Variants in DNAL1 observed in about 807,000 individuals in gnomAD.
DNAL1 encodes dynein axonemal light chain 1.
Under a neutral mutation model 29.4 loss-of-function variants are expected in DNAL1, and 17 were observed. The ratio of observed to expected loss-of-function variants is 0.58; its 90% CI spans 0.40 to 0.87. DNAL1 has a LOEUF of 0.87. Ranked by LOEUF, DNAL1 falls within the 40% of genes least tolerant of loss-of-function variation. The probability of loss-of-function intolerance (pLI) is 0.00; values close to 1 mark genes in which losing one functional copy is unlikely to be tolerated. For synonymous variants in DNAL1, 78 were observed against 76.3 expected (o/e 1.02, Z -0.12); for missense variants, 188 against 214.1 (o/e 0.88, Z 0.76).
intron 2 of DNAL1, 118 bp downstream of exon 2, chr14:73,655,003 C>A: frequency 2.8e-6 from 3 of 1,054,434 alleles, no homozygotes; most frequent in Non-Finnish European, 4.1e-6. Context: ...ATTCAGCTAT[C>A]TTGTCTATGG....
intron 1 of DNAL1, among the ~76,000 whole-genome samples, chr14:73,652,615 C>T (rs993447302): frequency 1.3e-5 from 2 of 151,986 alleles, no homozygotes; most frequent in African/African-American, 4.8e-5. Context: ...CTTTTTTGCT[C>T]AATCAGGCTT....
At chr14:73,694,782 C>T (rs962092436) in intron 7 of DNAL1, among the ~76,000 whole-genome samples, 5 of 151,668 alleles carry the variant, frequency 3.3e-5, no homozygotes, top group African/African-American at 1.2e-4. Context: ...CTCCGCCTCC[C>T]GGGTTCAAGC....
chr14:73,667,376 G>C (rs1283890900), intron 4 of DNAL1, among the ~76,000 whole-genome samples: 1 of 151,938 alleles, frequency 6.6e-6, no homozygotes, highest in Non-Finnish European at 1.5e-5. Context: ...GAGGTGGGAG[G>C]ATCTCTTGAA....
chr14:73,664,749 T>C (rs1407303489), intron 4 of DNAL1, among the ~76,000 whole-genome samples: 6 of 152,028 alleles, frequency 3.9e-5, no homozygotes, highest in Non-Finnish European at 8.8e-5. Context: ...TGTTTGCCTG[T>C]AGTCCCAGCT....
rs1892315511 is a variant in DNAL1, at chr14:73,697,070, ATAGT to A, written c.*1132_*1135del. On this transcript the variant is annotated 3_prime_UTR_variant, in exon 8 of 8. Transcript: ENST00000553645. The stretch of plus-strand genomic sequence containing the variant: ...GATTTAACCTCAAAATTGCAAAGCA[ATAGT>A]TAGATGCAGAGGTTAGAATTTATCA... 2 of 152,212 alleles carry A rather than the reference ATAGT, an allele frequency of 1.3e-5. 1 individual carries two copies. The highest frequency in any genetic ancestry group is 1.3e-4 in the Admixed American group (2 of 15,286). The allele number at this position is 152,212 out of a possible 1,614,324, so 9.4% of individuals were successfully genotyped here.
intron 3 of DNAL1, among the ~76,000 whole-genome samples, chr14:73,660,596 T>TA (rs1326421236): frequency 6.6e-6 from 1 of 152,168 alleles, no homozygotes; most frequent in Non-Finnish European, 1.5e-5. Flanking sequence ...CTAGGACACA[T>TA]ATTTGTGAAC....
chr14:73,649,231 C>T (rs1891057010), intron 1 of DNAL1, among the ~76,000 whole-genome samples: 1 of 151,816 alleles, frequency 6.6e-6, no homozygotes, highest in African/African-American at 2.4e-5. Context: ...AGCTCAGCCT[C>T]CCAAAGTGCT....
At position 73,658,894 on chromosome 14, in the gene DNAL1, T is replaced by C; in HGVS notation, c.90T>C (p.Leu30=). 2 of 1,600,844 alleles carry C rather than the reference T, an allele frequency of 1.2e-6. No homozygotes were observed. Among genetic ancestry groups the C allele is most frequent in the Non-Finnish European group, 1.7e-6 (2 of 1,173,316 alleles). Residue 30 remains leucine, a synonymous_variant, in exon 3 of 8, where the codon CTT becomes CTC. Transcript: ENST00000553645. ...CATCTGAAGCCAAAGAGATAAAACT[T>C]TATGCCCAGATTCCCCCTATAGAGA... is the stretch of plus-strand genomic sequence containing the variant. ...QRPSEAKEIK[L]YAQIPPIEKM... is the part of the protein sequence containing the mutation.
chr14:73,657,955 G>C (rs1190103379), intron 2 of DNAL1, among the ~76,000 whole-genome samples: 1 of 152,182 alleles, frequency 6.6e-6, no homozygotes, highest in Non-Finnish European at 1.5e-5. Flanking sequence ...TGCTTTTGAG[G>C]TCTTAGCCGT....
chr14:73,695,017 T>C (rs1342472074), intron 7 of DNAL1, among the ~76,000 whole-genome samples: 1 of 149,418 alleles, frequency 6.7e-6, no homozygotes, highest in Non-Finnish European at 1.5e-5. Context: ...TGTACAGAAC[T>C]TACTTTATTT....
At chr14:73,690,932 C>T (rs1158007815) in intron 7 of DNAL1, among the ~76,000 whole-genome samples, 2 of 152,080 alleles carry the variant, frequency 1.3e-5, no homozygotes, top group African/African-American at 2.4e-5. Flanking sequence ...GTGGTATTCT[C>T]TCTGTTTCTC....
intron 5 of DNAL1, among the ~76,000 whole-genome samples, chr14:73,680,326 G>A (rs921467533): frequency 1.3e-5 from 2 of 152,028 alleles, no homozygotes; most frequent in African/African-American, 4.8e-5. Flanking sequence ...CACCATCTTT[G>A]TCCATGTATG....
intron 7 of DNAL1, among the ~76,000 whole-genome samples, chr14:73,694,979 G>A (rs1298188867): frequency 2.7e-5 from 4 of 150,466 alleles, no homozygotes; most frequent in Admixed American, 6.6e-5. Flanking sequence ...GTGAGCCACC[G>A]CGCCCGGCCC....
intron 6 of DNAL1, 86 bp from the exon 7 acceptor site, chr14:73,689,289 C>G: frequency 1.3e-6 from 2 of 1,498,858 alleles, no homozygotes; most frequent in Non-Finnish European, 1.8e-6. Context: ...GCCTTGTCCC[C>G]CCAAAGTTCT....
intron 4 of DNAL1, among the ~76,000 whole-genome samples, chr14:73,664,536 A>G (rs552007361): frequency 2.5e-4 from 38 of 152,300 alleles, no homozygotes; most frequent in African/African-American, 8.4e-4. Flanking sequence ...CACTGAGAAC[A>G]GCTTTTTCCT....
intron 7 of DNAL1, among the ~76,000 whole-genome samples, chr14:73,693,348 A>G (rs1035813197): frequency 6.6e-6 from 1 of 152,214 alleles, no homozygotes; most frequent in African/African-American, 2.4e-5. Flanking sequence ...AAGGGTGTGA[A>G]TGTTTACCAA....
intron 1 of DNAL1, among the ~76,000 whole-genome samples, chr14:73,650,055 C>T (rs901319921): frequency 2.6e-5 from 4 of 152,316 alleles, no homozygotes; most frequent in Admixed American, 6.5e-5. Flanking sequence ...ATAATCATGG[C>T]TCACTGCAAC....
At chr14:73,652,676 C>G (rs75177548) in intron 1 of DNAL1, among the ~76,000 whole-genome samples, 1 of 152,096 alleles carries the variant, frequency 6.6e-6, no homozygotes, top group Non-Finnish European at 1.5e-5. Flanking sequence ...TTTATCCCCT[C>G]GTTCTGTTTT....
chr14:73,646,899 T>C (rs1418409913), intron 1 of DNAL1, among the ~76,000 whole-genome samples: 2 of 152,236 alleles, frequency 1.3e-5, no homozygotes, highest in East Asian at 1.9e-4. Flanking sequence ...GTCTGCAAAC[T>C]AGCAGACCTG....
Sources: allele counts gnomAD v4.1 joint callset (sites outside exome capture counted in the v4.1 genomes callset), GRCh38; gene constraint gnomAD v4.1.1; transcripts MANE v1.5; gene names NCBI Gene and HGNC (gene_info 2026-07-23, HGNC 2026-07-21).